Variants in KLHL5 observed in about 807,000 individuals in gnomAD.
The protein encoded by KLHL5 is kelch like family member 5, also known as kelch-like protein 5.
KLHL5 carries 48 observed loss-of-function variants against 77.7 expected under a neutral mutation model. That is an observed-to-expected ratio of 0.62 (90% CI 0.49 to 0.79). KLHL5 has a LOEUF of 0.79. Ranked by LOEUF, KLHL5 falls within the 30% of genes least tolerant of loss-of-function variation. KLHL5 has a pLI of 0.00. For missense variants in KLHL5, 723 were observed against 859.7 expected, an observed-to-expected ratio of 0.84 and a Z score of 1.99; for synonymous variants, 260 against 297.0, an observed-to-expected ratio of 0.88 and a Z score of 1.28.
the KLHL5 span, among the ~76,000 whole-genome samples, chr4:39,137,736 G>A: frequency 8.7e-3 from 1,320 of 152,272 alleles, 16 homozygotes; most frequent in African/African-American, 0.03. Flanking sequence ...CAAAAAACGA[G>A]GTTGTGCTCA....
At chr4:39,069,664 G>A (rs1718289278) in intron 1 of KLHL5, among the ~76,000 whole-genome samples, 1 of 151,252 alleles carries the variant, frequency 6.6e-6, no homozygotes, top group South Asian at 2.1e-4. Flanking sequence ...TGTTAATTTG[G>A]GGAAGTGTCC....
At chr4:39,057,108 C>G (rs1368113671) in intron 1 of KLHL5, among the ~76,000 whole-genome samples, 1 of 152,212 alleles carries the variant, frequency 6.6e-6, no homozygotes, top group Non-Finnish European at 1.5e-5. Flanking sequence ...CTTACCTCTT[C>G]TTAATTCAGT....
At chr4:39,141,331 T>C in the KLHL5 span, among the ~76,000 whole-genome samples, 14 of 127,248 alleles carry the variant, frequency 1.1e-4, 1 homozygote, top group East Asian at 3.3e-3. Context: ...TTTTTTGAGA[T>C]GGAGTCTCGC....
chr4:39,045,008 T>C, upstream of KLHL5: 1 of 992,760 alleles, frequency 1.0e-6, no homozygotes, highest in South Asian at 4.4e-5. Context: ...CCCACTCAGC[T>C]CGCCGGCCCC....
chr4:39,053,609 T>C (rs1332387119), intron 1 of KLHL5, among the ~76,000 whole-genome samples: 2 of 152,192 alleles, frequency 1.3e-5, no homozygotes, highest in Non-Finnish European at 2.9e-5. Context: ...ACAGCAAATA[T>C]GTGCTTAACA....
chr4:39,049,766 T>C (rs985819298), intron 1 of KLHL5, among the ~76,000 whole-genome samples: 2 of 151,750 alleles, frequency 1.3e-5, no homozygotes, highest in Admixed American at 6.6e-5. Context: ...GTGTTAGGCC[T>C]GTGAGGATAA....
At chr4:39,112,182 G>T (rs1482655826) in intron 8 of KLHL5, among the ~76,000 whole-genome samples, 3 of 152,020 alleles carry the variant, frequency 2.0e-5, no homozygotes, top group Non-Finnish European at 4.4e-5. Context: ...CAAACTTTTA[G>T]GTTCAGAGTA....
intron 4 of KLHL5, among the ~76,000 whole-genome samples, chr4:39,085,841 A>G (rs1281201061): frequency 6.6e-6 from 1 of 152,186 alleles, no homozygotes; most frequent in Non-Finnish European, 1.5e-5. Context: ...TTATATTAGA[A>G]GAGATTAAAA....
chr4:39,134,646 A>G, the KLHL5 span, among the ~76,000 whole-genome samples: 2 of 152,236 alleles, frequency 1.3e-5, no homozygotes, highest in African/African-American at 2.4e-5. Flanking sequence ...GAAACAGGCT[A>G]TATAATTCTG....
At chr4:39,112,983 CAT>C (rs750643818) in intron 8 of KLHL5, 35 bp from the exon 9 acceptor site, 64 of 1,563,502 alleles carry the variant, frequency 4.1e-5, no homozygotes, top group Non-Finnish European at 5.0e-5. Flanking sequence ...CATAATGGCA[CAT>C]GTCTTATTTA....
At chr4:39,086,488 T>C in intron 4 of KLHL5, 27 bp from the exon 5 acceptor site, 1 of 1,560,740 alleles carries the variant, frequency 6.4e-7, no homozygotes, top group Non-Finnish European at 8.8e-7. Flanking sequence ...GGAACAATAT[T>C]GTTTATCTGC....
intron 1 of KLHL5, among the ~76,000 whole-genome samples, chr4:39,075,350 G>A (rs917906037): frequency 1.0e-3 from 147 of 144,624 alleles, no homozygotes; most frequent in Non-Finnish European, 1.8e-3. Context: ...AAAAAAAAAA[G>A]AAAGAAATCA....
intron 6 of KLHL5, among the ~76,000 whole-genome samples, chr4:39,102,355 A>G (rs1721648328): frequency 6.6e-6 from 1 of 150,646 alleles, no homozygotes; most frequent in Non-Finnish European, 1.5e-5. Flanking sequence ...CATAAAGAGA[A>G]CAAAGGAGTC....
intron 7 of KLHL5, among the ~76,000 whole-genome samples, chr4:39,106,382 T>G (rs539776688): frequency 6.6e-6 from 1 of 152,358 alleles, no homozygotes; most frequent in South Asian, 2.1e-4. Flanking sequence ...CTTTTTAAAT[T>G]AGCACTTGTT....
At chr4:39,085,702 A>T (rs1719979128) in intron 4 of KLHL5, among the ~76,000 whole-genome samples, 1 of 152,128 alleles carries the variant, frequency 6.6e-6, no homozygotes, top group Non-Finnish European at 1.5e-5. Flanking sequence ...AGAGGATTTG[A>T]TTCTAACGTG....
At chr4:39,120,214 C>G (rs916919863) in intron 10 of KLHL5, 1 of 152,194 alleles carries the variant, frequency 6.6e-6, no homozygotes, top group Non-Finnish European at 1.5e-5. Context: ...TTACTGTGTT[C>G]AGAGTAATTC....
chr4:39,132,791 C>T, the KLHL5 span, among the ~76,000 whole-genome samples: 2 of 152,152 alleles, frequency 1.3e-5, no homozygotes, highest in African/African-American at 4.8e-5. Flanking sequence ...CATTCATATT[C>T]CCTTCAACAA....
rs990826313 is a variant in KLHL5 at position 39,122,552 on chromosome 4, T to C, written c.*1486T>C. On this transcript the variant is annotated 3_prime_UTR_variant, in exon 11 of 11. Coordinates refer to ENST00000504108, the MANE Select transcript of KLHL5 (RefSeq NM_015990.5). Reference sequence around the variant, plus strand: ...GGGCACAGTGGCTCACGCCTATAATTCCCAGCACTTTGGGAGGCTGAGGTG... The same window carrying C: ...GGGCACAGTGGCTCACGCCTATAATCCCCAGCACTTTGGGAGGCTGAGGTG... Among the ~76,000 whole-genome samples, 1 of 152,032 alleles carries C rather than the reference T, an allele frequency of 6.6e-6. No individual in the cohort carries two copies. The highest frequency in any genetic ancestry group is 2.4e-5 in the African/African-American group (1 of 41,386).
At chr4:39,110,490 G>C (rs533757046) in intron 8 of KLHL5, among the ~76,000 whole-genome samples, 322 of 152,066 alleles carry the variant, frequency 2.1e-3, no homozygotes, top group African/African-American at 7.2e-3. Context: ...ACAGGGTCTA[G>C]CTCTGTCGCC....
Sources: allele counts gnomAD v4.1 joint callset (sites outside exome capture counted in the v4.1 genomes callset), GRCh38; gene constraint gnomAD v4.1.1; transcripts MANE v1.5; gene names NCBI Gene and HGNC (gene_info 2026-07-23, HGNC 2026-07-21).